Variants in SORBS2 observed in about 807,000 individuals in gnomAD.
SORBS2 encodes the protein sorbin and SH3 domain-containing protein 2.
SORBS2 carries 46 observed loss-of-function variants against 97.7 expected under a neutral mutation model. The ratio of observed to expected loss-of-function variants is 0.47; its 90% confidence interval spans 0.37 to 0.60. The LOEUF is 0.60. Ranked by LOEUF, SORBS2 falls within the 20% of genes least tolerant of loss-of-function variation. The probability of loss-of-function intolerance (pLI) is 0.00; values close to 1 mark genes in which losing one functional copy is unlikely to be tolerated. For missense variants in SORBS2, 1,316 were observed against 1,282.3 expected (o/e 1.03, Z -0.40); for synonymous variants, 476 against 473.4 (o/e 1.01, Z -0.07).
intron 1 of SORBS2, among the ~76,000 whole-genome samples, chr4:185,955,487 G>T (rs2099279107): frequency 6.6e-6 from 1 of 152,134 alleles, no homozygotes; most frequent in African/African-American, 2.4e-5. Flanking sequence ...CTCACTCTCA[G>T]AAATAAACGC....
intron 1 of SORBS2, among the ~76,000 whole-genome samples, chr4:185,854,714 C>A (rs1391801127): frequency 6.6e-6 from 1 of 151,790 alleles, no homozygotes; most frequent in African/African-American, 2.4e-5. Context: ...GCCCAACTAG[C>A]AATTCTTGTG....
chr4:185,739,442 T>C (rs2098708827), intron 2 of SORBS2, among the ~76,000 whole-genome samples: 1 of 152,242 alleles, frequency 6.6e-6, no homozygotes, highest in Non-Finnish European at 1.5e-5. Flanking sequence ...TTAAAATGCA[T>C]GTATTTGTTA....
At chr4:185,657,121 T>G (rs2097419886), upstream of SORBS2, 1 of 304,620 alleles carries the variant, frequency 3.3e-6, no homozygotes, top group South Asian at 1.1e-4. Context: ...TAAGCCTCCT[T>G]GGTAAAAGGT....
At chr4:185,624,996 C>T (rs904831725) in intron 6 of SORBS2, among the ~76,000 whole-genome samples, 2 of 152,190 alleles carry the variant, frequency 1.3e-5, no homozygotes, top group Non-Finnish European at 2.9e-5. Flanking sequence ...TTAATACTCT[C>T]ATGACTATAT....
chr4:185,819,204 T>C (rs1227364192), intron 1 of SORBS2, among the ~76,000 whole-genome samples: 3 of 152,228 alleles, frequency 2.0e-5, no homozygotes, highest in Non-Finnish European at 4.4e-5. Flanking sequence ...TAAGGAGTTC[T>C]AGGCTAGTAG....
At chr4:185,649,581 C>G in exon 3 of SORBS2, 1 of 1,604,350 alleles carries the variant, frequency 6.2e-7, no homozygotes, top group East Asian at 2.3e-5. Context: ...GTCGGAGTGG[C>G]TTTTGGAAAG....
chr4:185,877,874 C>CAAAAAAAAAAA (rs1435447743), intron 1 of SORBS2, among the ~76,000 whole-genome samples: 1 of 81,126 alleles, frequency 1.2e-5, no homozygotes, highest in Non-Finnish European at 2.5e-5. Flanking sequence ...TGTCAAAAAA[C>CAAAAAAAAAAA]AAAAAAAAAA....
intron 1 of SORBS2, among the ~76,000 whole-genome samples, chr4:185,900,029 G>A (rs889186092): frequency 3.9e-5 from 6 of 152,140 alleles, no homozygotes; most frequent in Admixed American, 2.6e-4. Context: ...GAGGAAGGAA[G>A]ATCTCTGAGC....
At position 185,691,438 on chromosome 4, in the gene SORBS2, A is replaced by G. The variant is rs149033001; in HGVS notation, c.-197-12616T>C. 1.9e-3 allele frequency among the ~76,000 whole-genome samples: 289 copies of G among 152,288 alleles called. 1 individual carries two copies. Among genetic ancestry groups the G allele is most frequent in the African/African-American group, 6.4e-3 (265 of 41,566 alleles). ...ATGGTTTTTGTTCTCTAAGCCTGAA[A>G]TGATTGCCTGTTAAGTGTCCTCTTC... On this transcript the variant is annotated intron_variant, in intron 2 of 20. Coordinates refer to the SORBS2 transcript ENST00000284776.
intron 1 of SORBS2, among the ~76,000 whole-genome samples, chr4:185,866,932 T>C (rs541460030): frequency 6.7e-6 from 1 of 148,834 alleles, no homozygotes; most frequent in East Asian, 1.9e-4. Context: ...AATAACACAG[T>C]GCTCTAATGA....
rs529219748 is a variant in SORBS2, at chr4:185,933,913, A to C, written c.-338+22283T>G. Among the ~76,000 whole-genome samples, 7 of 152,334 alleles carry C rather than the reference A, an allele frequency of 4.6e-5. No individual in the cohort carries two copies. The East Asian group carries it at 1.4e-3, about 29-fold the overall frequency. On this transcript the variant is annotated intron_variant, in intron 1 of 20. Coordinates refer to the SORBS2 transcript ENST00000284776. The stretch of plus-strand genomic sequence containing the variant: ...AAAGATTACAGAGCTTAGGAACATA[A>C]GTTGACCTCCAACTGGCTTTAAAGT...
chr4:185,937,224 T>C (rs1444424140), intron 1 of SORBS2, among the ~76,000 whole-genome samples: 2 of 152,178 alleles, frequency 1.3e-5, no homozygotes, highest in Non-Finnish European at 2.9e-5. Context: ...TGGAGGAGCA[T>C]GTTTCCTACG....
At chr4:185,699,243 G>A (rs2098223041) in intron 2 of SORBS2, among the ~76,000 whole-genome samples, 1 of 144,800 alleles carries the variant, frequency 6.9e-6, no homozygotes, top group Non-Finnish European at 1.5e-5. Context: ...TAAAATTTAA[G>A]TAATACATTA....
chr4:185,666,613 C>T (rs2097605722), intron 4 of SORBS2, among the ~76,000 whole-genome samples: 3 of 152,124 alleles, frequency 2.0e-5, no homozygotes, highest in Admixed American at 2.0e-4. Context: ...CAAAATGTCC[C>T]CAAAACATAA....
intron 2 of SORBS2, among the ~76,000 whole-genome samples, chr4:185,730,730 G>A (rs1222926670): frequency 6.6e-6 from 1 of 152,252 alleles, no homozygotes; most frequent in Admixed American, 6.5e-5. Flanking sequence ...GAACAGGTCA[G>A]CCCCTAGAGT....
chr4:185,883,273 T>C (rs965812564), intron 1 of SORBS2, among the ~76,000 whole-genome samples: 1 of 152,168 alleles, frequency 6.6e-6, no homozygotes, highest in Non-Finnish European at 1.5e-5. Flanking sequence ...AAAGAATATA[T>C]ATTATTGACA....
Position 185,663,848 on chromosome 4 carries a change from C to CTTT in SORBS2, c.-45-1609_-45-1607dup, listed in dbSNP as rs56177449. On this transcript the variant is annotated intron_variant, in intron 4 of 20. Coordinates refer to the SORBS2 transcript ENST00000284776. ...AGTAAACACTGAGAGTAGATTTATT[C>CTTT]TTTTTTTTTTTTTTTTTTTTTTTTG... Among the ~76,000 whole-genome samples the CTTT allele has an allele frequency of 5.6e-3, 456 of 80,966 alleles. 20 individuals are homozygous for CTTT. Among genetic ancestry groups the CTTT allele is most frequent in the African/African-American group, 0.013 (288 of 21,562 alleles). The allele number at this position is 80,966 out of a possible 152,430, so 53.1% of individuals were successfully genotyped here.
intron 1 of SORBS2, among the ~76,000 whole-genome samples, chr4:185,932,092 G>C (rs1011309262): frequency 6.7e-6 from 1 of 150,008 alleles, no homozygotes; most frequent in South Asian, 2.1e-4. Context: ...ATATGTGTGT[G>C]TTTATTATAT....
chr4:185,629,169 G>A (rs943129287), intron 5 of SORBS2, among the ~76,000 whole-genome samples: 3 of 152,174 alleles, frequency 2.0e-5, no homozygotes, highest in African/African-American at 4.8e-5. Context: ...AAGCGGAGAG[G>A]CAGACCTCAG....
Sources: allele counts gnomAD v4.1 joint callset (sites outside exome capture counted in the v4.1 genomes callset), GRCh38; gene constraint gnomAD v4.1.1; transcripts MANE v1.5; gene names NCBI Gene and HGNC (gene_info 2026-07-23, HGNC 2026-07-21).